The following CPPED1 variants were observed in gnomAD, a reference collection of about 807,000 sequenced individuals.
CPPED1 encodes the protein calcineurin like phosphoesterase domain containing 1.
Under a neutral mutation model 28.0 loss-of-function variants are expected in CPPED1, and 28 were observed. That is an observed-to-expected ratio of 1.00 (90% confidence interval 0.74 to 1.37). The LOEUF (loss-of-function observed/expected upper bound fraction) is 1.37, where lower values mean the gene tolerates loss of function less well. Among genes scored for constraint, CPPED1 ranks in the 40% most tolerant of loss-of-function variants. The pLI is 0.00. For synonymous variants in CPPED1, 198 were observed against 180.2 expected (o/e 1.10, Z -0.79); for missense variants, 504 against 416.5 (o/e 1.21, Z -1.83).
chr16:12,696,519 C>T (rs776895013), intron 3 of CPPED1, among the ~76,000 whole-genome samples: 10 of 149,860 alleles, frequency 6.7e-5, no homozygotes, highest in Non-Finnish European at 1.5e-4. Context: ...CGGCTCACTG[C>T]AACCTCCGCC....
Position 12,734,058 on chromosome 16 carries a change from G to GTTTTT in CPPED1, c.290-29014_290-29010dup, listed in dbSNP as rs71142517. 5.3e-4 allele frequency among the ~76,000 whole-genome samples: 34 copies of GTTTTT among 64,426 alleles called. 9 individuals are homozygous for GTTTTT. Among genetic ancestry groups the GTTTTT allele is most frequent in the African/African-American group, 1.9e-3 (22 of 11,724 alleles). The allele number at this position is 64,426 out of a possible 152,430, so 42.3% of individuals were successfully genotyped here. On this transcript the variant is annotated intron_variant, in intron 2 of 3. Transcript: ENST00000381774. The stretch of plus-strand genomic sequence containing the variant: ...CTTTGTCTCTGTTTTCAAATTACAC[G>GTTTTT]TTTTTTTTTTTTTTTTTTTTTTTTT...
intron 3 of CPPED1, among the ~76,000 whole-genome samples, chr16:12,694,881 G>A (rs566351459): frequency 4.6e-5 from 7 of 152,058 alleles, no homozygotes; most frequent in Non-Finnish European, 1.0e-4. Flanking sequence ...AGCTTCAAGC[G>A]ATTCTCCTGC....
intron 2 of CPPED1, among the ~76,000 whole-genome samples, chr16:12,765,680 A>C (rs2080434106): frequency 6.6e-6 from 1 of 152,242 alleles, no homozygotes. Flanking sequence ...TACAAACCAA[A>C]TAATACATAT....
chr16:12,776,178 C>A (rs756157521), intron 2 of CPPED1, among the ~76,000 whole-genome samples: 3 of 151,978 alleles, frequency 2.0e-5, no homozygotes, highest in African/African-American at 7.2e-5. Flanking sequence ...AGAGGTCAGA[C>A]GGGAGAAAAG....
chr16:12,663,923 A>C lies in CPPED1; in HGVS notation c.*963T>G, dbSNP rs1397309618. 3 of 152,226 alleles carry C rather than the reference A, an allele frequency of 2.0e-5. No individual in the cohort carries two copies. Among genetic ancestry groups the C allele is most frequent in the African/African-American group, 7.2e-5 (3 of 41,458 alleles). 9.4% of individuals were successfully genotyped at this position (152,226 alleles called of 1,614,324 possible). A position where few individuals can be genotyped will look rare whatever the true frequency, so the allele number is the denominator to read the frequency against. ...ATGCGCTTTTGTCAAGGGATTTTGC[A>C]TTAGTGCATTTAGTCCAAGTCAGGG... On this transcript the variant is annotated 3_prime_UTR_variant, in exon 4 of 4. Transcript: ENST00000381774.
chr16:12,790,646 C>G (rs185155212), intron 1 of CPPED1, among the ~76,000 whole-genome samples: 2 of 152,158 alleles, frequency 1.3e-5, no homozygotes, highest in South Asian at 2.1e-4. Context: ...ATTGGCCGGT[C>G]GCGGTGGCTC....
intron 2 of CPPED1, among the ~76,000 whole-genome samples, chr16:12,766,491 T>A (rs1204863339): frequency 1.3e-5 from 2 of 151,904 alleles, no homozygotes; most frequent in African/African-American, 4.8e-5. Flanking sequence ...GATAAAACCA[T>A]CAGATCTCGT....
Position 12,759,760 on chromosome 16 carries a change from C to T in CPPED1, c.289+21425G>A, listed in dbSNP as rs150795712. Among the ~76,000 whole-genome samples the T allele has an allele frequency of 6.4e-3, 973 of 152,294 alleles. 10 individuals carry two copies. Among genetic ancestry groups the T allele is most frequent in the African/African-American group, 0.022 (900 of 41,542 alleles). ...TTGCCCCTTGTGCTCTCTCTCCTGACGCCTTGTGAAAAAGGTGCTTGCTTC... is the reference window on the plus strand; with the variant it reads ...TTGCCCCTTGTGCTCTCTCTCCTGATGCCTTGTGAAAAAGGTGCTTGCTTC... On this transcript the variant is annotated intron_variant, in intron 2 of 3. Coordinates refer to ENST00000381774, the MANE Select transcript of CPPED1 (RefSeq NM_018340.3).
At chr16:12,691,419 G>C (rs1467682141) in intron 3 of CPPED1, among the ~76,000 whole-genome samples, 1 of 152,102 alleles carries the variant, frequency 6.6e-6, no homozygotes, top group African/African-American at 2.4e-5. Context: ...AGGATTGAAG[G>C]CATGAAGTAG....
At chr16:12,759,043 G>A (rs1205314242) in intron 2 of CPPED1, among the ~76,000 whole-genome samples, 1 of 151,316 alleles carries the variant, frequency 6.6e-6, no homozygotes, top group African/African-American at 2.4e-5. Context: ...TGTATCTGCA[G>A]TCCCAGCTAC....
At chr16:12,696,241 C>T (rs575762110) in intron 3 of CPPED1, among the ~76,000 whole-genome samples, 14 of 152,238 alleles carry the variant, frequency 9.2e-5, no homozygotes, top group South Asian at 8.3e-4. Flanking sequence ...AAACCAGGTC[C>T]GCCTGTCCTG....
chr16:12,756,861 AC>A (rs1271183968), intron 2 of CPPED1, among the ~76,000 whole-genome samples: 1 of 151,906 alleles, frequency 6.6e-6, no homozygotes, highest in Non-Finnish European at 1.5e-5. Flanking sequence ...AGTTATAGAC[AC>A]CTACAGTGCT....
chr16:12,696,053 C>A (rs1010049670), intron 3 of CPPED1, among the ~76,000 whole-genome samples: 2 of 152,196 alleles, frequency 1.3e-5, no homozygotes, highest in African/African-American at 4.8e-5. Context: ...AGCATGCCTT[C>A]CTCATCTACC....
intron 3 of CPPED1, among the ~76,000 whole-genome samples, chr16:12,672,782 G>C (rs1196615724): frequency 6.6e-6 from 1 of 152,148 alleles, no homozygotes; most frequent in Admixed American, 6.5e-5. Flanking sequence ...TGGAGGCCGA[G>C]GTGGGCAGAT....
chr16:12,696,948 T>G (rs2079994235), intron 3 of CPPED1, among the ~76,000 whole-genome samples: 1 of 152,114 alleles, frequency 6.6e-6, no homozygotes, highest in Non-Finnish European at 1.5e-5. Flanking sequence ...AGACGCTAAT[T>G]CCCCCTGTAC....
intron 2 of CPPED1, among the ~76,000 whole-genome samples, chr16:12,734,822 G>A (rs1224240420): frequency 6.6e-6 from 1 of 152,070 alleles, no homozygotes; most frequent in Non-Finnish European, 1.5e-5. Flanking sequence ...CCATGAATCA[G>A]GACTTGCACC....
chr16:12,706,648 ATGTT>A (rs1472935269), intron 2 of CPPED1, among the ~76,000 whole-genome samples: 3 of 151,744 alleles, frequency 2.0e-5, no homozygotes, highest in Non-Finnish European at 4.4e-5. Flanking sequence ...GCTGGAATGA[ATGTT>A]TGGACTGGCA....
chr16:12,681,057 C>A (rs1346033182), intron 3 of CPPED1, among the ~76,000 whole-genome samples: 3 of 152,056 alleles, frequency 2.0e-5, no homozygotes, highest in African/African-American at 7.2e-5. Flanking sequence ...ATGACCTTTA[C>A]CTAAAGCCAG....
rs552508080 is a variant in CPPED1, at chr16:12,770,818, T to A, written c.289+10367A>T. ...GCCTGGGTGACAGAGTGAGGCTATATCAAGGAAAGGAAAGGGAGGGCAGAA... is the reference window on the plus strand; with the variant it reads ...GCCTGGGTGACAGAGTGAGGCTATAACAAGGAAAGGAAAGGGAGGGCAGAA... On this transcript the variant is annotated intron_variant, in intron 2 of 3. Transcript: ENST00000381774. Among the ~76,000 whole-genome samples, 4 of 129,906 alleles carry A rather than the reference T, an allele frequency of 3.1e-5. No homozygotes were observed. In the South Asian group the frequency reaches 7.2e-4, roughly 24 times the overall value. 85.2% of individuals were successfully genotyped at this position (129,906 alleles called of 152,430 possible).
Sources: allele counts gnomAD v4.1 joint callset (sites outside exome capture counted in the v4.1 genomes callset), GRCh38; gene constraint gnomAD v4.1.1; transcripts MANE v1.5; gene names NCBI Gene and HGNC (gene_info 2026-07-23, HGNC 2026-07-21).